COMMD1: variants seen among roughly 807,000 people sequenced by gnomAD.
COMMD1 encodes COMM domain-containing protein 1.
In COMMD1, 10 loss-of-function variants were observed where a neutral mutation model predicts 17.2. The observed-to-expected ratio is 0.58, with a 90% confidence interval of 0.36 to 0.99. The LOEUF (loss-of-function observed/expected upper bound fraction) is 0.99. COMMD1 is among the 50% of genes least tolerant of loss of function. The pLI is 0.01. For missense variants in COMMD1, 270 were observed against 231.8 expected, an observed-to-expected ratio of 1.17 and a Z score of -1.07; for synonymous variants, 97 against 91.6, an observed-to-expected ratio of 1.06 and a Z score of -0.34.
At chr2:61,938,531 G>A (rs900373936) in intron 1 of COMMD1, among the ~76,000 whole-genome samples, 1 of 152,100 alleles carries the variant, frequency 6.6e-6, no homozygotes, top group African/African-American at 2.4e-5. Context: ...TAACCTTCAC[G>A]TGCCCACTTG....
chr2:61,980,973 C>G (rs2103751727), intron 1 of COMMD1, among the ~76,000 whole-genome samples: 1 of 152,106 alleles, frequency 6.6e-6, no homozygotes, highest in East Asian at 1.9e-4. Flanking sequence ...GTCTGTTCAG[C>G]TTTTTTTGCC....
At chr2:62,017,445 A>T (rs940107285) in intron 2 of COMMD1, among the ~76,000 whole-genome samples, 1 of 152,162 alleles carries the variant, frequency 6.6e-6, no homozygotes, top group Admixed American at 6.5e-5. Context: ...AGGCAGGCAG[A>T]TCACTTGAGC....
intron 1 of COMMD1, among the ~76,000 whole-genome samples, chr2:61,995,690 A>G (rs1296902691): frequency 2.0e-5 from 3 of 152,202 alleles, no homozygotes. Flanking sequence ...TCAGAGGGAA[A>G]CCTGGCTTAA....
At chr2:62,053,060 A>G (rs1670584902) in intron 2 of COMMD1, among the ~76,000 whole-genome samples, 1 of 152,178 alleles carries the variant, frequency 6.6e-6, no homozygotes, top group Non-Finnish European at 1.5e-5. Flanking sequence ...AGCCTAGGTG[A>G]CAGAGAGATC....
chr2:61,996,330 G>A (rs992885472), intron 1 of COMMD1, among the ~76,000 whole-genome samples: 17 of 151,136 alleles, frequency 1.1e-4, no homozygotes, highest in East Asian at 4.1e-4. Context: ...GTGTGTGTGT[G>A]TGTGTGTGTG....
chr2:61,983,528 T>C (rs1672015780), intron 1 of COMMD1, among the ~76,000 whole-genome samples: 1 of 152,132 alleles, frequency 6.6e-6, no homozygotes, highest in African/African-American at 2.4e-5. Flanking sequence ...TGTTACTTGT[T>C]ATTGGTCTGT....
At chr2:61,974,671 CAAAA>C (rs1276306424) in intron 1 of COMMD1, among the ~76,000 whole-genome samples, 3 of 52,320 alleles carry the variant, frequency 5.7e-5, no homozygotes, top group East Asian at 1.2e-3. Context: ...GACTCCATCT[CAAAA>C]AAAAAAAAAA....
intron 2 of COMMD1, among the ~76,000 whole-genome samples, chr2:62,012,538 G>C (rs1388551864): frequency 6.6e-6 from 1 of 151,798 alleles, no homozygotes; most frequent in East Asian, 1.9e-4. Context: ...GGCTGGTCTT[G>C]AACTCCCGAC....
chr2:62,084,386 A>G (rs1207722553), intron 2 of COMMD1, among the ~76,000 whole-genome samples: 1 of 152,316 alleles, frequency 6.6e-6, no homozygotes, highest in Non-Finnish European at 1.5e-5. Context: ...GAGTTAAAGA[A>G]AATGTTATTA....
At chr2:61,910,984 G>A (rs530128035) in intron 1 of COMMD1, among the ~76,000 whole-genome samples, 25 of 151,950 alleles carry the variant, frequency 1.6e-4, no homozygotes, top group Admixed American at 8.5e-4. Flanking sequence ...TCGAGAGGCT[G>A]GGGTGGGAGA....
rs150301983 is a variant in COMMD1 at position 61,970,343 on chromosome 2, A to G, written c.181-30358A>G. ...GCATTTTAAAAAATTATTAAAAAGG[A>G]TATACAGTTGTCCCTTGGTGTCCAT... On this transcript the variant is annotated intron_variant, in intron 1 of 2. Transcript: ENST00000311832. 5.4e-4 allele frequency among the ~76,000 whole-genome samples: 82 copies of G among 152,126 alleles called. 1 individual carries two copies. The highest frequency in any genetic ancestry group is 1.9e-3 in the African/African-American group (78 of 41,530).
At chr2:62,045,730 AT>A (rs71410917) in intron 2 of COMMD1, among the ~76,000 whole-genome samples, 2,156 of 84,974 alleles carry the variant, frequency 0.025, 11 homozygotes, top group African/African-American at 0.074. Context: ...TTTCAAGTTA[AT>A]TTTTTTTTTT....
chr2:62,117,997 C>T (rs1284936555), intron 2 of COMMD1, among the ~76,000 whole-genome samples: 1 of 151,854 alleles, frequency 6.6e-6, no homozygotes, highest in Non-Finnish European at 1.5e-5. Context: ...CTGACTCCTA[C>T]TCTGCGTTTT....
At chr2:61,990,737 C>T (rs1672223922) in intron 1 of COMMD1, among the ~76,000 whole-genome samples, 1 of 152,066 alleles carries the variant, frequency 6.6e-6, no homozygotes. Context: ...GACTTATTCA[C>T]TATCGTGGCA....
At chr2:62,005,246 C>T (rs1002576127) in intron 2 of COMMD1, among the ~76,000 whole-genome samples, 6 of 152,168 alleles carry the variant, frequency 3.9e-5, no homozygotes, top group Admixed American at 2.0e-4. Context: ...AACTTGGTAT[C>T]ATATTTTTAC....
chr2:61,949,322 A>G (rs1430978769), intron 1 of COMMD1, among the ~76,000 whole-genome samples: 1 of 152,188 alleles, frequency 6.6e-6, no homozygotes, highest in African/African-American at 2.4e-5. Context: ...ACAAAGAGCC[A>G]GGGAGAACTT....
At chr2:61,986,614 G>A (rs181682939) in intron 1 of COMMD1, among the ~76,000 whole-genome samples, 7 of 147,408 alleles carry the variant, frequency 4.7e-5, no homozygotes, top group East Asian at 2.0e-4. Context: ...TGCTGCCCAG[G>A]CTGGAGTGCA....
At chr2:61,959,938 C>CTGTT in intron 1 of COMMD1, among the ~76,000 whole-genome samples, 1 of 152,264 alleles carries the variant, frequency 6.6e-6, no homozygotes, top group South Asian at 2.1e-4. Flanking sequence ...ACCCGATTGG[C>CTGTT]TGTTAGTTTA....
chr2:62,098,944 G>A (rs1199272938), intron 2 of COMMD1, among the ~76,000 whole-genome samples: 2 of 152,194 alleles, frequency 1.3e-5, no homozygotes, highest in Non-Finnish European at 2.9e-5. Flanking sequence ...GGGATCTTCA[G>A]TCGGACTGGG....
Sources: allele counts gnomAD v4.1 joint callset (sites outside exome capture counted in the v4.1 genomes callset), GRCh38; gene constraint gnomAD v4.1.1; transcripts MANE v1.5; gene names NCBI Gene and HGNC (gene_info 2026-07-23, HGNC 2026-07-21).